The following ZRANB2 variants were observed in gnomAD, a reference collection of about 807,000 sequenced individuals.
ZRANB2 encodes the protein zinc finger RANBP2-type containing 2.
In ZRANB2, 19 loss-of-function variants were observed where a neutral mutation model predicts 53.4. The observed-to-expected ratio is 0.36, with a 90% confidence interval of 0.25 to 0.52. The LOEUF (loss-of-function observed/expected upper bound fraction) is 0.52. Ranked by LOEUF, ZRANB2 falls within the 20% of genes least tolerant of loss-of-function variation. ZRANB2 has a pLI of 0.93. For synonymous variants in ZRANB2, 145 were observed against 134.8 expected (o/e 1.08, Z -0.52); for missense variants, 309 against 401.1 (o/e 0.77, Z 1.96).
chr1:71,075,773 T>C (rs2101050010), intron 4 of ZRANB2, among the ~76,000 whole-genome samples: 2 of 150,938 alleles, frequency 1.3e-5, no homozygotes, highest in East Asian at 3.9e-4. Flanking sequence ...ACCCAATCGG[T>C]GGAAAGGCAA....
intron 4 of ZRANB2, among the ~76,000 whole-genome samples, chr1:71,074,806 C>T (rs1661671743): frequency 1.3e-5 from 2 of 152,074 alleles, no homozygotes; most frequent in Admixed American, 1.3e-4. Context: ...TTATTCATAT[C>T]CTGTCTCATG....
intron 6 of ZRANB2, 85 bp downstream of exon 6, chr1:71,072,036 C>T: frequency 6.6e-7 from 1 of 1,508,168 alleles, no homozygotes; most frequent in East Asian, 2.3e-5. Flanking sequence ...ATATTTTCAC[C>T]AAGTGTCTGA....
intron 4 of ZRANB2, among the ~76,000 whole-genome samples, chr1:71,075,909 T>TG (rs60415022): frequency 0.031 from 3,581 of 114,904 alleles, 119 homozygotes; most frequent in African/African-American, 0.11. Flanking sequence ...AAAAAAGGGG[T>TG]GGGGGGGGAT....
At chr1:71,079,633 T>G (rs550967594) in intron 1 of ZRANB2, among the ~76,000 whole-genome samples, 1 of 152,344 alleles carries the variant, frequency 6.6e-6, no homozygotes, top group African/African-American at 2.4e-5. Context: ...TATCCTGCAT[T>G]TAAACATATT....
intron 4 of ZRANB2, 130 bp from the exon 5 acceptor site, chr1:71,072,678 A>G (rs1279949757): frequency 1.6e-6 from 1 of 631,148 alleles, no homozygotes; most frequent in East Asian, 2.8e-5. Context: ...ATAAATTACT[A>G]GTCTTTAGAA....
chr1:71,076,736 C>A, intron 4 of ZRANB2, 59 bp downstream of exon 4: 1 of 1,239,634 alleles, frequency 8.1e-7, no homozygotes, highest in Non-Finnish European at 1.2e-6. Context: ...ATACAATTAT[C>A]GTTTCAATAT....
rs767432303 is a variant in ZRANB2 at position 71,066,945 on chromosome 1, TGAGA to T, written c.771-15_771-12del. On this transcript the variant is annotated splice_polypyrimidine_tract_variant and intron_variant, in intron 8 of 9. Transcript: ENST00000370920. ...GACCTGGAGCTGGATCTTCATTGAT[TGAGA>T]AACAAATCAAACATTTCATTAAAAG... 1.9e-6 allele frequency: 3 copies of T among 1,549,740 alleles called. No homozygotes were observed. The highest frequency in any genetic ancestry group is 2.6e-5 in the South Asian group (2 of 78,208).
intron 1 of ZRANB2, 125 bp downstream of exon 1, chr1:71,080,815 T>C (rs1661828981): frequency 7.3e-6 from 8 of 1,094,752 alleles, no homozygotes; most frequent in Non-Finnish European, 1.1e-5. Flanking sequence ...GCCAGGGAAC[T>C]GGCGGTTCGC....
chr1:71,080,620 G>C (rs1174297346), intron 1 of ZRANB2, among the ~76,000 whole-genome samples: 2 of 137,278 alleles, frequency 1.5e-5, no homozygotes, highest in Non-Finnish European at 3.1e-5. Flanking sequence ...TGACTGGAGA[G>C]GTTTCCTATC....
At chr1:71,080,401 A>G (rs1661812638) in intron 1 of ZRANB2, among the ~76,000 whole-genome samples, 1 of 152,182 alleles carries the variant, frequency 6.6e-6, no homozygotes, top group South Asian at 2.1e-4. Flanking sequence ...AATGATCCAC[A>G]AAGAAAATGT....
intron 3 of ZRANB2, among the ~76,000 whole-genome samples, chr1:71,077,548 A>C (rs1661735368): frequency 6.6e-6 from 1 of 152,136 alleles, no homozygotes. Context: ...GAGGATCAGA[A>C]ATTTATTTAA....
At chr1:71,073,814 C>T (rs1296774820) in intron 4 of ZRANB2, among the ~76,000 whole-genome samples, 1 of 96,228 alleles carries the variant, frequency 1.0e-5, no homozygotes, top group Non-Finnish European at 2.1e-5. Context: ...AAATAGTCTG[C>T]TGACAACAAA....
chr1:71,070,289 A>G (rs1661565929), intron 7 of ZRANB2, among the ~76,000 whole-genome samples: 1 of 144,212 alleles, frequency 6.9e-6, no homozygotes, highest in South Asian at 2.2e-4. Flanking sequence ...ACAATATTCA[A>G]GTACACCAAA....
chr1:71,066,700 C>A, intron 9 of ZRANB2, 76 bp downstream of exon 9: 2 of 1,475,084 alleles, frequency 1.4e-6, no homozygotes, highest in Non-Finnish European at 9.1e-7. Flanking sequence ...AAAATCTAAC[C>A]CTTGACTAGG....
Position 71,069,376 on chromosome 1 carries a change from G to T in ZRANB2, c.684-14C>A. 6.2e-7 allele frequency: 1 copy of T among 1,610,042 alleles called. No individual in the cohort carries two copies. Among genetic ancestry groups the T allele is most frequent in the South Asian group, 1.1e-5 (1 of 90,762 alleles). On this transcript the variant is annotated splice_polypyrimidine_tract_variant and intron_variant, in intron 7 of 9. Transcript: ENST00000370920. ...CTTGAACGGGACCTGGAACAACATGGAACGATTTTTTTTTTCCAGGACCAT... is the reference window on the plus strand; with the variant it reads ...CTTGAACGGGACCTGGAACAACATGTAACGATTTTTTTTTTCCAGGACCAT...
At chr1:71,072,737 TCATA>T (rs1661621401) in intron 4 of ZRANB2, among the ~76,000 whole-genome samples, 189 bp from the exon 5 acceptor site, 4 of 152,110 alleles carry the variant, frequency 2.6e-5, no homozygotes, top group African/African-American at 9.7e-5. Flanking sequence ...AGTTGTAACG[TCATA>T]TGGCTGTACT....
intron 4 of ZRANB2, among the ~76,000 whole-genome samples, chr1:71,075,666 A>T (rs1011730699): frequency 1.3e-5 from 2 of 151,926 alleles, no homozygotes; most frequent in Non-Finnish European, 2.9e-5. Context: ...ATAAACAATC[A>T]ATCAAACGGG....
chr1:71,071,863 A>G (rs1242815393), intron 6 of ZRANB2, among the ~76,000 whole-genome samples: 1 of 152,140 alleles, frequency 6.6e-6, no homozygotes, highest in Admixed American at 6.6e-5. Flanking sequence ...TACTGCTATC[A>G]AAATTACCTA....
intron 4 of ZRANB2, among the ~76,000 whole-genome samples, chr1:71,074,863 CA>C (rs1372248540): frequency 3.3e-5 from 5 of 152,122 alleles, no homozygotes; most frequent in Admixed American, 2.6e-4. Flanking sequence ...TACAAATAGC[CA>C]AAAGAAAGCG....
Sources: gnomAD v4.1 joint callset for allele counts (sites outside exome capture counted in the v4.1 genomes callset) on GRCh38, gnomAD v4.1.1 for gene constraint, MANE v1.5 for transcripts, NCBI Gene and HGNC (gene_info 2026-07-23, HGNC 2026-07-21) for gene names.